The following MACROD1 variants were observed in gnomAD, a reference collection of about 807,000 sequenced individuals.
MACROD1 encodes mono-ADP ribosylhydrolase 1.
Under a neutral mutation model 41.4 loss-of-function variants are expected in MACROD1, and 31 were observed. The observed-to-expected ratio is 0.75, with a 90% confidence interval of 0.56 to 1.01. The LOEUF (loss-of-function observed/expected upper bound fraction) is 1.01. MACROD1 is among the 50% of genes least tolerant of loss of function. The pLI, the probability that MACROD1 is intolerant of heterozygous loss-of-function variation, is 0.00. For synonymous variants in MACROD1, 252 were observed against 203.4 expected (o/e 1.24, Z -2.03); for missense variants, 473 against 460.0 (o/e 1.03, Z -0.26).
rs189722479 is a variant in MACROD1 at position 64,012,617 on chromosome 11, T to C, written c.547+2635A>G. Among the ~76,000 whole-genome samples, 1,087 of 152,268 alleles carry C rather than the reference T, an allele frequency of 7.1e-3. 9 individuals are homozygous for C. The highest frequency in any genetic ancestry group is 0.012 in the Non-Finnish European group (796 of 68,014). ...GGCTTCACCATGTTGGCTAGGCTTG[T>C]CTTGAACTCCTGACCTCGTGATCTG... On this transcript the variant is annotated intron_variant, in intron 4 of 10. Coordinates refer to ENST00000255681, the MANE Select transcript of MACROD1 (RefSeq NM_014067.4).
At chr11:64,077,000 G>T (rs1006554030) in intron 3 of MACROD1, among the ~76,000 whole-genome samples, 3 of 152,112 alleles carry the variant, frequency 2.0e-5, no homozygotes, top group African/African-American at 7.2e-5. Flanking sequence ...GATGGGAGCT[G>T]TCGCTAGGCC....
chr11:64,001,322 C>T, intron 4 of MACROD1: 1 of 650,020 alleles, frequency 1.5e-6, no homozygotes. Context: ...CAGAGGAAAA[C>T]GCCGCGTGCT....
Position 64,078,390 on chromosome 11 carries a change from G to A in MACROD1, c.518-63109C>T, listed in dbSNP as rs140068658. On this transcript the variant is annotated intron_variant, in intron 3 of 10. Coordinates refer to ENST00000255681, the MANE Select transcript of MACROD1 (RefSeq NM_014067.4). The stretch of plus-strand genomic sequence containing the variant: ...AGCAGCTGCTCTCAGGGGGCTGAAC[G>A]GCTGCAGAATTACAATATTAAATGC... Among the ~76,000 whole-genome samples the A allele has an allele frequency of 6.4e-4, 98 of 152,330 alleles. 1 individual carries two copies. In the East Asian group the frequency reaches 0.016, roughly 25 times the overall value.
intron 3 of MACROD1, among the ~76,000 whole-genome samples, chr11:64,105,763 GA>G (rs1338061454): frequency 6.6e-6 from 1 of 152,196 alleles, no homozygotes. Flanking sequence ...AAACCCCTGG[GA>G]AAGGGTTACA....
At chr11:64,134,618 G>A (rs1945307844) in intron 3 of MACROD1, among the ~76,000 whole-genome samples, 1 of 152,142 alleles carries the variant, frequency 6.6e-6, no homozygotes, top group South Asian at 2.1e-4. Context: ...CAGGGGTGGG[G>A]GACAGCACCT....
At position 64,164,811 on chromosome 11, in the gene MACROD1, G is replaced by C. The variant is rs575425666; in HGVS notation, c.298+886C>G. 6.0e-5 allele frequency among the ~76,000 whole-genome samples: 9 copies of C among 149,834 alleles called. No individual in the cohort carries two copies. In the South Asian group the frequency reaches 1.9e-3, roughly 31 times the overall value. ...TGCACTTTTGAAAGGGGATCCAGCC[G>C]GGAAGAGTCACAGGATCCCAGGAGG... On this transcript the variant is annotated intron_variant, in intron 1 of 10. Coordinates refer to ENST00000255681, the MANE Select transcript of MACROD1 (RefSeq NM_014067.4).
chr11:64,097,959 C>T (rs1380765438), intron 3 of MACROD1, among the ~76,000 whole-genome samples: 1 of 152,168 alleles, frequency 6.6e-6, no homozygotes, highest in African/African-American at 2.4e-5. Context: ...CCACTCAGCA[C>T]CCAGGCCTGT....
At chr11:64,121,663 G>A (rs1398137763) in intron 3 of MACROD1, among the ~76,000 whole-genome samples, 7 of 152,302 alleles carry the variant, frequency 4.6e-5, no homozygotes, top group East Asian at 1.9e-4. Flanking sequence ...TCAGACATGC[G>A]TGAGGACACA....
intron 3 of MACROD1, among the ~76,000 whole-genome samples, chr11:64,063,021 A>T (rs2134442753): frequency 6.6e-6 from 1 of 152,266 alleles, no homozygotes; most frequent in Middle Eastern, 3.4e-3. Flanking sequence ...GCTGTGAGGG[A>T]TTCAGTGAGA....
chr11:64,108,965 A>G lies in MACROD1; in HGVS notation c.517+42274T>C, dbSNP rs1258364463. On this transcript the variant is annotated intron_variant, in intron 3 of 10. Coordinates refer to ENST00000255681, the MANE Select transcript of MACROD1 (RefSeq NM_014067.4). ...AGGCAGGTGGGCAGGAAGGAGGCTG[A>G]GGGGCAAGTGGGGGTGGGGGAGACG... 2.0e-5 allele frequency among the ~76,000 whole-genome samples: 3 copies of G among 152,026 alleles called. No homozygotes were observed. In the East Asian group the frequency reaches 5.8e-4, roughly 29 times the overall value.
chr11:64,004,718 T>C (rs866233567), intron 4 of MACROD1, among the ~76,000 whole-genome samples: 6 of 152,154 alleles, frequency 3.9e-5, no homozygotes, highest in Middle Eastern at 3.4e-3. Flanking sequence ...TTGGGGCAAG[T>C]CACTTAACCT....
At chr11:64,159,488 C>A (rs1456707823) in intron 1 of MACROD1, among the ~76,000 whole-genome samples, 1 of 150,858 alleles carries the variant, frequency 6.6e-6, no homozygotes, top group Non-Finnish European at 1.5e-5. Context: ...AAAGTGAGAC[C>A]CTGTCTCAAA....
chr11:64,145,001 T>G (rs1279609914), intron 3 of MACROD1, among the ~76,000 whole-genome samples: 1 of 152,140 alleles, frequency 6.6e-6, no homozygotes, highest in Non-Finnish European at 1.5e-5. Context: ...AGGTGGCCAC[T>G]CAGGTTCTGG....
intron 4 of MACROD1, among the ~76,000 whole-genome samples, chr11:64,010,341 G>T (rs1351434139): frequency 6.6e-6 from 1 of 150,534 alleles, no homozygotes; most frequent in Non-Finnish European, 1.5e-5. Context: ...TGGTTGGGGT[G>T]TTGGTTGGAG....
rs905972278 is a variant in MACROD1 at position 64,049,659 on chromosome 11, G to A, written c.518-34378C>T. Among the ~76,000 whole-genome samples, 9 of 152,348 alleles carry A rather than the reference G, an allele frequency of 5.9e-5. No individual in the cohort carries two copies. In the East Asian group the frequency reaches 1.2e-3, roughly 20 times the overall value. ...GAGGTGCCTGCTGAAGGGGGTGGAC[G>A]CTGGGGGTGCAGACAGACAGCTCAG... On this transcript the variant is annotated intron_variant, in intron 3 of 10. Coordinates refer to ENST00000255681, the MANE Select transcript of MACROD1 (RefSeq NM_014067.4).
chr11:64,035,549 C>A (rs1413383149), intron 3 of MACROD1, among the ~76,000 whole-genome samples: 1 of 151,400 alleles, frequency 6.6e-6, no homozygotes, highest in African/African-American at 2.4e-5. Context: ...CCCCAACTCC[C>A]CAGAGGGGTC....
chr11:64,109,866 C>T (rs755784868), intron 3 of MACROD1, among the ~76,000 whole-genome samples: 3 of 152,058 alleles, frequency 2.0e-5, no homozygotes, highest in Non-Finnish European at 4.4e-5. Flanking sequence ...TCAGCCTGTC[C>T]GGAAGGCACA....
At chr11:64,088,282 A>T (rs1241187845) in intron 3 of MACROD1, among the ~76,000 whole-genome samples, 1 of 151,868 alleles carries the variant, frequency 6.6e-6, no homozygotes. Flanking sequence ...TAGCCAGGAG[A>T]TGGGGGGACC....
chr11:64,111,226 G>A (rs1003286522), intron 3 of MACROD1, among the ~76,000 whole-genome samples: 1 of 152,208 alleles, frequency 6.6e-6, no homozygotes, highest in Non-Finnish European at 1.5e-5. Context: ...CCCCTACTTA[G>A]GGCACTGCTC....
Sources: gnomAD v4.1 joint callset for allele counts (sites outside exome capture counted in the v4.1 genomes callset) on GRCh38, gnomAD v4.1.1 for gene constraint, MANE v1.5 for transcripts, NCBI Gene and HGNC (gene_info 2026-07-23, HGNC 2026-07-21) for gene names.